Variants in SIGLEC9 observed in about 807,000 individuals in gnomAD.
SIGLEC9 encodes sialic acid binding Ig like lectin 9, also known as sialic acid-binding Ig-like lectin 9.
SIGLEC9 carries 26 observed loss-of-function variants against 38.3 expected under a neutral mutation model. The observed-to-expected ratio is 0.68, with a 90% CI of 0.50 to 0.94. The LOEUF (loss-of-function observed/expected upper bound fraction) is 0.94. Ranked by LOEUF, SIGLEC9 falls within the 40% of genes least tolerant of loss-of-function variation. The pLI is 0.00. For synonymous variants in SIGLEC9, 236 were observed against 248.0 expected (o/e 0.95, Z 0.45); for missense variants, 556 against 585.7 (o/e 0.95, Z 0.52).
At chr19:51,128,804 C>T in intron 6 of SIGLEC9, 1 of 326,242 alleles carries the variant, frequency 3.1e-6, no homozygotes. Context: ...GTCCAGAAGA[C>T]ATCATCGTCC....
At position 51,127,426 on chromosome 19, in the gene SIGLEC9, C is replaced by T; in HGVS notation, c.1015+130C>T. The T allele has an allele frequency of 2.9e-6, 3 of 1,033,304 alleles. No homozygotes were observed. In the South Asian group the frequency reaches 5.0e-5, roughly 17 times the overall value. The allele number at this position is 1,033,304 out of a possible 1,614,324, so 64.0% of individuals were successfully genotyped here. On this transcript the variant is annotated intron_variant, in intron 4 of 6. Coordinates refer to ENST00000250360, the MANE Select transcript of SIGLEC9 (RefSeq NM_014441.3). ...CTGTGCTCAGCTGTGAGGTCTGGAACTTCCCTGGGACCCACAGCACCACTG... is the reference window on the plus strand; with the variant it reads ...CTGTGCTCAGCTGTGAGGTCTGGAATTTCCCTGGGACCCACAGCACCACTG...
At chr19:51,120,102 C>G (rs912046898), upstream of SIGLEC9, 6 of 154,794 alleles carry the variant, frequency 3.9e-5, no homozygotes, top group African/African-American at 1.4e-4. This position sits in a 1 kb window ranked among gnomAD's most constrained non-coding sequence, Gnocchi z 4.1. Context: ...TTACTGCCAA[C>G]AGGATGAAGC....
At chr19:51,127,373 G>T in intron 4 of SIGLEC9, 77 bp downstream of exon 4, 1 of 1,444,804 alleles carries the variant, frequency 6.9e-7, no homozygotes, top group South Asian at 1.3e-5. Context: ...GCTGAGCGTG[G>T]ACCTTCAGAG....
At chr19:51,125,430 A>G in intron 1 of SIGLEC9, 35 bp downstream of exon 1, 1 of 1,560,058 alleles carries the variant, frequency 6.4e-7, no homozygotes, top group Non-Finnish European at 8.7e-7. Context: ...CCACAGGGAA[A>G]GGTCATGGGG....
At chr19:51,128,795 T>C in intron 6 of SIGLEC9, 1 of 358,042 alleles carries the variant, frequency 2.8e-6, no homozygotes, top group Non-Finnish European at 5.2e-6. Context: ...GGGGGGACTG[T>C]CCAGAAGACA....
In SIGLEC9 at chr19:51,124,932, G is replaced by A. The variant is rs912265503; in HGVS notation, c.-43G>A. On this transcript the variant is annotated 5_prime_UTR_variant, in exon 1 of 7. Coordinates refer to ENST00000250360, the MANE Select transcript of SIGLEC9 (RefSeq NM_014441.3). ...CAGTTCCTGAGAGAAGAACCCTGAGGAACAGACGTTCCCTCGCGGCCCTGG... is the reference window on the plus strand; with the variant it reads ...CAGTTCCTGAGAGAAGAACCCTGAGAAACAGACGTTCCCTCGCGGCCCTGG... 5 of 1,568,990 alleles carry A rather than the reference G, an allele frequency of 3.2e-6. No individual in the cohort carries two copies. The highest frequency in any genetic ancestry group is 3.5e-6 in the Non-Finnish European group (4 of 1,157,626).
downstream of SIGLEC9, among the ~76,000 whole-genome samples, chr19:51,132,561 G>T (rs2122859677): frequency 6.6e-6 from 1 of 152,266 alleles, no homozygotes; most frequent in Non-Finnish European, 1.5e-5. Context: ...AAGGCCATCT[G>T]GTGGACATTT....
chr19:51,134,198 C>T (rs879080481), downstream of SIGLEC9, among the ~76,000 whole-genome samples: 5 of 124,464 alleles, frequency 4.0e-5, no homozygotes, highest in Admixed American at 2.1e-4. Flanking sequence ...GCTCTGTTGC[C>T]GGGCTGGAGT....
At chr19:51,134,255 C>T (rs1357493181), downstream of SIGLEC9, among the ~76,000 whole-genome samples, 1 of 146,812 alleles carries the variant, frequency 6.8e-6, no homozygotes. Flanking sequence ...AGCGATTCTC[C>T]TGCCTCAGCC....
Position 51,125,625 on chromosome 19 carries a change from C to T in SIGLEC9, c.450C>T (p.Ile150=). The T allele has an allele frequency of 6.2e-7, 1 of 1,612,406 alleles. No homozygotes were observed. The highest frequency in any genetic ancestry group is 8.5e-7 in the Non-Finnish European group (1 of 1,179,982). Reference sequence around the variant, plus strand: ...TGACCCACAGGCCCAACATCCTCATCCCAGGCACCCTGGAGTCCGGCTGCC... The same window carrying T: ...TGACCCACAGGCCCAACATCCTCATTCCAGGCACCCTGGAGTCCGGCTGCC... The part of the protein sequence containing the change: ...TALTHRPNIL[I]PGTLESGCPQ... The change falls in exon 2 of 7, where the codon ATC becomes ATT. Residue 150 remains isoleucine (I), a synonymous_variant. Coordinates refer to ENST00000250360, the MANE Select transcript of SIGLEC9 (RefSeq NM_014441.3).
Position 51,125,090 on chromosome 19 carries a change from T to G in SIGLEC9, c.116T>G (p.Val39Gly). 1.2e-6 allele frequency: 2 copies of G among 1,614,066 alleles called. No individual in the cohort carries two copies. Among genetic ancestry groups the G allele is most frequent in the Non-Finnish European group, 8.5e-7 (1 of 1,179,984 alleles). ...GTGCAGGAAGGCCTGTGTGTCCATGTGCCCTGCTCCTTCTCCTACCCCTCG... is the reference window on the plus strand; with the variant it reads ...GTGCAGGAAGGCCTGTGTGTCCATGGGCCCTGCTCCTTCTCCTACCCCTCG... Reference protein sequence around the residue: ...VTVQEGLCVHVPCSFSYPSHG... With the variant: ...VTVQEGLCVHGPCSFSYPSHG... Residue 39 changes from valine (V) to glycine (G), a missense_variant, in exon 1 of 7, where the codon GTG (valine) becomes GGG (glycine). Coordinates refer to ENST00000250360, the MANE Select transcript of SIGLEC9 (RefSeq NM_014441.3).
Position 51,126,064 on chromosome 19 carries a change from A to T in SIGLEC9, c.701-17A>T. The T allele has an allele frequency of 6.2e-7, 1 of 1,613,510 alleles. No homozygotes were observed. Among genetic ancestry groups the T allele is most frequent in the African/African-American group, 1.3e-5 (1 of 74,972 alleles). ...AGCCCTCACAGTGATGCGGGTCTCC[A>T]TGTCTTTCTGTCCCAGACCCGCCTC... On this transcript the variant is annotated splice_polypyrimidine_tract_variant and intron_variant, in intron 2 of 6. Transcript: ENST00000250360.
At position 51,130,120 on chromosome 19, in the gene SIGLEC9, C is replaced by A. The variant is rs763694333; in HGVS notation, c.*41C>A. On this transcript the variant is annotated 3_prime_UTR_variant, in exon 7 of 7. Coordinates refer to ENST00000250360, the MANE Select transcript of SIGLEC9 (RefSeq NM_014441.3). ...CACCCTGATTGAGGGATCACAGCCC[C>A]TCCAGGCAAGGGAGAAGTCAGAGGC... The A allele has an allele frequency of 6.4e-7, 1 of 1,557,514 alleles. No homozygotes were observed. The highest frequency in any genetic ancestry group is 8.7e-7 in the Non-Finnish European group (1 of 1,150,734).
chr19:51,127,430 C>A, intron 4 of SIGLEC9, 134 bp downstream of exon 4: 1 of 987,692 alleles, frequency 1.0e-6, no homozygotes, highest in Non-Finnish European at 1.5e-6. Context: ...CTGGAACTTC[C>A]CTGGGACCCA....
At chr19:51,135,137 G>A (rs2092035816), downstream of SIGLEC9, among the ~76,000 whole-genome samples, 1 of 152,170 alleles carries the variant, frequency 6.6e-6, no homozygotes, top group Non-Finnish European at 1.5e-5. Context: ...ATGTAGACGT[G>A]ATTGTATAGT....
rs753561495 is a variant in SIGLEC9 at position 51,125,045 on chromosome 19, C to T, written c.71C>T (p.Thr24Met). 7.4e-6 allele frequency: 12 copies of T among 1,613,986 alleles called. No homozygotes were observed. The highest frequency in any genetic ancestry group is 3.3e-5 in the South Asian group (3 of 91,076). Reference sequence around the variant, plus strand: ...GAAGGACAGACAAGTAAACTGCTGACGATGCAGAGTTCCGTGACGGTGCAG... The same window carrying T: ...GAAGGACAGACAAGTAAACTGCTGATGATGCAGAGTTCCGTGACGGTGCAG... Reference protein sequence around the residue: ...RAEGQTSKLLTMQSSVTVQEG... With the variant: ...RAEGQTSKLLMMQSSVTVQEG... Residue 24 changes from threonine to methionine, a missense_variant, in exon 1 of 7, where the codon ACG (threonine) becomes ATG (methionine). Coordinates refer to ENST00000250360, the MANE Select transcript of SIGLEC9 (RefSeq NM_014441.3).
upstream of SIGLEC9, among the ~76,000 whole-genome samples, chr19:51,124,041 C>T (rs1017241935): frequency 6.6e-6 from 1 of 152,236 alleles, no homozygotes; most frequent in African/African-American, 2.4e-5. Flanking sequence ...CAGCTGATCC[C>T]TCATGTTCTG....
chr19:51,130,561 T>A (rs2092009875), downstream of SIGLEC9, among the ~76,000 whole-genome samples: 1 of 152,172 alleles, frequency 6.6e-6, no homozygotes, highest in Non-Finnish European at 1.5e-5. Context: ...TTCCAGGAAA[T>A]AACCTCAGCC....
chr19:51,133,779 G>T (rs748863713), downstream of SIGLEC9, among the ~76,000 whole-genome samples: 4 of 152,134 alleles, frequency 2.6e-5, no homozygotes, highest in Middle Eastern at 3.4e-3. Flanking sequence ...GCCACATGTG[G>T]CTACTGAGCA....
Sources: gnomAD v4.1 joint callset for allele counts (sites outside exome capture counted in the v4.1 genomes callset) on GRCh38, gnomAD v4.1.1 for gene constraint, Gnocchi (gnomAD v3.1) non-coding constraint, MANE v1.5 for transcripts, NCBI Gene and HGNC (gene_info 2026-07-23, HGNC 2026-07-21) for gene names.